The following CHRM3 variants were observed in gnomAD, a reference collection of about 807,000 sequenced individuals.
CHRM3 encodes muscarinic acetylcholine receptor M3.
Under a neutral mutation model 41.8 loss-of-function variants are expected in CHRM3, and 11 were observed. That is an observed-to-expected ratio of 0.26 (90% CI 0.17 to 0.44). The LOEUF is 0.44. CHRM3 is among the 20% of genes least tolerant of loss of function. The pLI is 1.00. For missense variants in CHRM3, 571 were observed against 745.4 expected (o/e 0.77, Z 2.72); for synonymous variants, 297 against 301.4 (o/e 0.99, Z 0.15).
chr1:239,654,447 A>G (rs778246781), intron 4 of CHRM3, among the ~76,000 whole-genome samples: 2 of 152,248 alleles, frequency 1.3e-5, no homozygotes, highest in East Asian at 1.9e-4. Context: ...CACCCAGGCT[A>G]GAGTGCAGCA....
In CHRM3 at chr1:239,745,388, C is replaced by T. The variant is rs984596416; in HGVS notation, c.-147+67100C>T. Among the ~76,000 whole-genome samples, 10 of 151,744 alleles carry T rather than the reference C, an allele frequency of 6.6e-5. 1 individual carries two copies. The South Asian group carries it at 8.3e-4, about 13-fold the overall frequency. On this transcript the variant is annotated intron_variant, in intron 5 of 6. Transcript: ENST00000676153. Reference sequence around the variant, plus strand: ...TGTTGAAAGTTGAAAGTGATGGTCACGCGGTATGCAAGTCAAAAGCTATGG... The same window carrying T: ...TGTTGAAAGTTGAAAGTGATGGTCATGCGGTATGCAAGTCAAAAGCTATGG...
intron 1 of CHRM3, among the ~76,000 whole-genome samples, chr1:239,393,016 T>A (rs564882741): frequency 6.6e-6 from 1 of 152,242 alleles, no homozygotes; most frequent in Admixed American, 6.5e-5. Context: ...AAATTTTGGC[T>A]GAGCATAGTG....
At chr1:239,870,955 C>T (rs1676526303) in intron 6 of CHRM3, among the ~76,000 whole-genome samples, 1 of 152,126 alleles carries the variant, frequency 6.6e-6, no homozygotes, top group South Asian at 2.1e-4. Context: ...CGATTTTGTG[C>T]TTTACTTCTC....
intron 1 of CHRM3, among the ~76,000 whole-genome samples, chr1:239,448,916 T>C (rs980491015): frequency 1.4e-4 from 22 of 152,324 alleles, no homozygotes; most frequent in African/African-American, 5.1e-4. Context: ...AGGACTTTTC[T>C]AGTTTTAGAA....
chr1:239,900,656 G>A (rs555272488), intron 6 of CHRM3, among the ~76,000 whole-genome samples: 3 of 152,196 alleles, frequency 2.0e-5, no homozygotes, highest in African/African-American at 7.2e-5. Flanking sequence ...CCTCACCTGG[G>A]CTGTCGAGAA....
intron 3 of CHRM3, among the ~76,000 whole-genome samples, chr1:239,604,315 GA>G (rs11298833): frequency 0.98 from 145,562 of 148,520 alleles, 71,349 homozygotes; most frequent in East Asian, 1. Flanking sequence ...CTGACAATCT[GA>G]AAAAAAAAAA....
At chr1:239,818,825 C>T (rs773213529) in intron 5 of CHRM3, among the ~76,000 whole-genome samples, 2 of 152,180 alleles carry the variant, frequency 1.3e-5, no homozygotes, top group African/African-American at 2.4e-5. Flanking sequence ...GCAGATTGGA[C>T]ATTTCAGAGT....
intron 5 of CHRM3, among the ~76,000 whole-genome samples, chr1:239,712,783 C>T (rs996052425): frequency 6.6e-6 from 1 of 151,994 alleles, no homozygotes; most frequent in African/African-American, 2.4e-5. Context: ...GGACAAATAC[C>T]CACATTTTAT....
chr1:239,746,750 T>C (rs970288838), intron 5 of CHRM3, among the ~76,000 whole-genome samples: 2 of 151,952 alleles, frequency 1.3e-5, no homozygotes, highest in Admixed American at 6.6e-5. Flanking sequence ...TATTACTCTA[T>C]TTCTTTCTTT....
At chr1:239,472,702 A>C (rs1296423881) in intron 1 of CHRM3, among the ~76,000 whole-genome samples, 7 of 150,694 alleles carry the variant, frequency 4.6e-5, no homozygotes, top group Admixed American at 4.6e-4. Context: ...AGGGAGGGGG[A>C]CAACACCCAC....
At chr1:239,787,395 A>G (rs979978010) in intron 5 of CHRM3, among the ~76,000 whole-genome samples, 7 of 152,184 alleles carry the variant, frequency 4.6e-5, no homozygotes, top group Non-Finnish European at 2.9e-5. Flanking sequence ...CCTTGGCAGT[A>G]AGGATGAAGC....
At chr1:239,699,892 C>G (rs943064536) in intron 5 of CHRM3, among the ~76,000 whole-genome samples, 1 of 152,008 alleles carries the variant, frequency 6.6e-6, no homozygotes, top group Non-Finnish European at 1.5e-5. Flanking sequence ...TTAGACTATC[C>G]GAACTATATT....
At chr1:239,722,962 G>C (rs187986235) in intron 5 of CHRM3, among the ~76,000 whole-genome samples, 1 of 151,796 alleles carries the variant, frequency 6.6e-6, no homozygotes, top group Non-Finnish European at 1.5e-5. Flanking sequence ...GTACTAATTC[G>C]TTTTCCTCAA....
At position 239,666,792 on chromosome 1, in the gene CHRM3, T is replaced by C. The variant is rs147858256; in HGVS notation, c.-249-11394T>C. Among the ~76,000 whole-genome samples, 4 of 152,298 alleles carry C rather than the reference T, an allele frequency of 2.6e-5. No homozygotes were observed. In the East Asian group the frequency reaches 7.8e-4, roughly 30 times the overall value. On this transcript the variant is annotated intron_variant, in intron 4 of 6. Transcript: ENST00000676153. Reference sequence around the variant, plus strand: ...CCCGTTACCCAGGAAGTGAGCATAGTGTCCAACAATTAGTTTCTCAACATT... The same window carrying C: ...CCCGTTACCCAGGAAGTGAGCATAGCGTCCAACAATTAGTTTCTCAACATT...
At chr1:239,608,685 A>G (rs1024352323) in intron 3 of CHRM3, among the ~76,000 whole-genome samples, 1 of 152,208 alleles carries the variant, frequency 6.6e-6, no homozygotes. Context: ...GCACAGGAAC[A>G]CGAACGAAGG....
chr1:239,638,512 A>G (rs1402227198), intron 4 of CHRM3, among the ~76,000 whole-genome samples: 1 of 152,174 alleles, frequency 6.6e-6, no homozygotes, highest in African/African-American at 2.4e-5. Flanking sequence ...TCTGATGGCC[A>G]GTGATGATGA....
intron 1 of CHRM3, among the ~76,000 whole-genome samples, chr1:239,473,143 A>G (rs1666239864): frequency 6.6e-6 from 1 of 152,098 alleles, no homozygotes; most frequent in East Asian, 1.9e-4. Context: ...TCTATTAAAT[A>G]CTAACTTTTA....
At chr1:239,768,485 G>A (rs1667397431) in intron 5 of CHRM3, among the ~76,000 whole-genome samples, 1 of 33,804 alleles carries the variant, frequency 3.0e-5, no homozygotes, top group African/African-American at 1.4e-4. Flanking sequence ...AGCCCAACAT[G>A]GTGAAAATAA....
chr1:239,909,011 C>T lies in CHRM3; in HGVS notation c.1560C>T (p.Cys520=), dbSNP rs201554378. 57 of 1,614,042 alleles carry T rather than the reference C, an allele frequency of 3.5e-5. No homozygotes were observed. Among genetic ancestry groups the T allele is most frequent in the Non-Finnish European group, 4.6e-5 (54 of 1,180,052 alleles). Residue 520 remains cysteine (C), a synonymous_variant, in exon 7 of 7, where the codon TGC becomes TGT. Coordinates refer to ENST00000676153, the MANE Select transcript of CHRM3 (RefSeq NM_001375978.1). ...MVLVNTFCDS[C]IPKTFWNLGY... ...TGGTGAACACCTTTTGTGACAGCTG[C>T]ATACCCAAAACCTTTTGGAATCTGG...
Sources: allele counts gnomAD v4.1 joint callset (sites outside exome capture counted in the v4.1 genomes callset), GRCh38; gene constraint gnomAD v4.1.1; transcripts MANE v1.5; gene names NCBI Gene and HGNC (gene_info 2026-07-23, HGNC 2026-07-21).